Variants in POU2F2 observed in about 807,000 individuals in gnomAD.
POU2F2 encodes the protein POU domain, class 2, transcription factor 2.
POU2F2 carries 14 observed loss-of-function variants against 63.5 expected under a neutral mutation model. The ratio of observed to expected loss-of-function variants is 0.22; its 90% CI spans 0.15 to 0.34. The LOEUF (loss-of-function observed/expected upper bound fraction) is 0.34, where lower values mean the gene tolerates loss of function less well. POU2F2 is among the 10% of genes least tolerant of loss of function. The pLI is 1.00. For missense variants in POU2F2, 607 were observed against 815.2 expected (o/e 0.74, Z 3.11); for synonymous variants, 306 against 348.6 (o/e 0.88, Z 1.36).
chr19:42,160,929 G>C (rs1170780965), intron 1 of POU2F2, among the ~76,000 whole-genome samples: 1 of 152,196 alleles, frequency 6.6e-6, no homozygotes, highest in East Asian at 1.9e-4. Flanking sequence ...TGATATTTCT[G>C]ACTTGTACAT....
chr19:42,196,172 C>A (rs1195172151), intron 1 of POU2F2, among the ~76,000 whole-genome samples: 1 of 152,154 alleles, frequency 6.6e-6, no homozygotes, highest in African/African-American at 2.4e-5. Context: ...GTGTCCACAT[C>A]ATCACAGGTG....
intron 1 of POU2F2, among the ~76,000 whole-genome samples, chr19:42,192,910 G>A (rs1453655792): frequency 6.6e-6 from 1 of 152,134 alleles, no homozygotes; most frequent in East Asian, 1.9e-4. Context: ...TAGTTGGAGA[G>A]TGTAGTGTGC....
intron 2 of POU2F2, among the ~76,000 whole-genome samples, chr19:42,158,492 T>C (rs1354005853): frequency 6.6e-6 from 1 of 152,230 alleles, no homozygotes; most frequent in Non-Finnish European, 1.5e-5. Flanking sequence ...TTAGGCAAGT[T>C]GCCTTCACGC....
chr19:42,119,225 T>C (rs2032296445), intron 4 of POU2F2, among the ~76,000 whole-genome samples: 1 of 152,124 alleles, frequency 6.6e-6, no homozygotes. Context: ...CAGCTATCCC[T>C]GGCAGGGGCA....
chr19:42,160,500 G>A (rs1267243323), intron 1 of POU2F2: 1 of 152,196 alleles, frequency 6.6e-6, no homozygotes, highest in African/African-American at 2.4e-5. Context: ...ATCATCAGGA[G>A]CTGCAGTTGG....
chr19:42,099,273 C>T, intron 7 of POU2F2: 2 of 465,742 alleles, frequency 4.3e-6, no homozygotes, highest in Non-Finnish European at 7.8e-6. Context: ...AATCTTTCAT[C>T]ATATTCTCAA....
intron 1 of POU2F2, among the ~76,000 whole-genome samples, chr19:42,160,956 G>A (rs552638004): frequency 1.3e-5 from 2 of 152,300 alleles, no homozygotes; most frequent in South Asian, 4.1e-4. Context: ...ATTCATTTGT[G>A]CATTTAGTTC....
chr19:42,151,417 GGACA>G (rs555577175), intron 2 of POU2F2, among the ~76,000 whole-genome samples: 48 of 152,204 alleles, frequency 3.2e-4, no homozygotes, highest in Non-Finnish European at 4.3e-4. Flanking sequence ...AGGAGGATCT[GGACA>G]GACAAAGAAC....
rs560007754 is a variant in POU2F2 at position 42,156,086 on chromosome 19, C to T, written c.-9+4246G>A. The stretch of plus-strand genomic sequence containing the variant: ...TGCCTACCAGCCCTCACCAGTGCTT[C>T]GAAGAGCCCTGAGGAACGTCTCTCT... On this transcript the variant is annotated intron_variant, in intron 2 of 6. Coordinates refer to the POU2F2 transcript ENST00000524801. This position sits in a 1 kb window ranked among gnomAD's most constrained non-coding sequence, Gnocchi z 4.1. The T allele has an allele frequency of 6.6e-6, 1 of 152,180 alleles. No individual in the cohort carries two copies. Among genetic ancestry groups the T allele is most frequent in the African/African-American group, 2.4e-5 (1 of 41,404 alleles). 9.4% of individuals were successfully genotyped at this position (152,180 alleles called of 1,614,324 possible).
At chr19:42,130,982 T>A (rs2033667380) in intron 1 of POU2F2, among the ~76,000 whole-genome samples, 2 of 71,916 alleles carry the variant, frequency 2.8e-5, no homozygotes, top group African/African-American at 5.8e-5. Flanking sequence ...CCCCTCTGCC[T>A]GAGCCTCCCC....
rs557566949 is a variant in POU2F2, at chr19:42,170,830, C to T, written c.-70+5133G>A. 2.6e-5 allele frequency among the ~76,000 whole-genome samples: 4 copies of T among 152,388 alleles called. No homozygotes were observed. The South Asian group carries it at 6.2e-4, about 24-fold the overall frequency. ...GGATCTGGCCCTTTCCCCGCTGAGG[C>T]GAGAATGGCTGCCTGGTCTCTGGTC... On this transcript the variant is annotated intron_variant, in intron 1 of 6. Coordinates refer to the POU2F2 transcript ENST00000524801.
At position 42,092,401 on chromosome 19, in the gene POU2F2, C is replaced by T; in HGVS notation, c.1265-131G>A. 2 of 710,434 alleles carry T rather than the reference C, an allele frequency of 2.8e-6. No individual in the cohort carries two copies. The highest frequency in any genetic ancestry group is 5.0e-6 in the Non-Finnish European group (2 of 402,990). 44.0% of individuals were successfully genotyped at this position (710,434 alleles called of 1,614,324 possible). A position where few individuals can be genotyped will look rare whatever the true frequency, so the allele number is the denominator to read the frequency against. On this transcript the variant is annotated intron_variant, in intron 12 of 14. Transcript: ENST00000692977. This position sits in a 1 kb window ranked among gnomAD's most constrained non-coding sequence, Gnocchi z 5.0. Reference sequence around the variant, plus strand: ...CTCCTCAGTCAGAACAGCCTTAGACCTCCCTGCCCTCTCTTCCCAGAGTCA... The same window carrying T: ...CTCCTCAGTCAGAACAGCCTTAGACTTCCCTGCCCTCTCTTCCCAGAGTCA...
intron 5 of POU2F2, among the ~76,000 whole-genome samples, chr19:42,114,586 G>A: frequency 6.6e-6 from 1 of 152,190 alleles, no homozygotes; most frequent in South Asian, 2.1e-4. Flanking sequence ...CTGGTGGCCG[G>A]GGTGGGAGGG....
intron 1 of POU2F2, among the ~76,000 whole-genome samples, chr19:42,184,080 C>G (rs536760256): frequency 1.1e-4 from 17 of 150,104 alleles, no homozygotes; most frequent in African/African-American, 4.2e-4. Context: ...AATCACAACT[C>G]ACTGCCACCT....
intron 1 of POU2F2, among the ~76,000 whole-genome samples, chr19:42,188,856 G>GAGAA (rs766776370): frequency 5.6e-4 from 75 of 135,134 alleles, no homozygotes; most frequent in African/African-American, 1.6e-3. Flanking sequence ...GGGAAAGAGA[G>GAGAA]AGAAAGAAAG....
In POU2F2 at chr19:42,092,981, G is replaced by T. The variant is rs2076778634; in HGVS notation, c.1265-711C>A. On this transcript the variant is annotated intron_variant, in intron 12 of 14. Coordinates refer to ENST00000692977, the MANE Select transcript of POU2F2 (RefSeq NM_001394376.1). This position sits in a 1 kb window ranked among gnomAD's most constrained non-coding sequence, Gnocchi z 5.0. ...TATATTATGCATATATATATTATGT[G>T]TGTGTGTATATATATATATATATAT... Among the ~76,000 whole-genome samples, 1 of 105,524 alleles carries T rather than the reference G, an allele frequency of 9.5e-6. No individual in the cohort carries two copies. Among genetic ancestry groups the T allele is most frequent in the Admixed American group, 1.0e-4 (1 of 10,020 alleles). 69.2% of individuals were successfully genotyped at this position (105,524 alleles called of 152,430 possible).
At chr19:42,143,052 C>T (rs2146758602) in intron 2 of POU2F2, among the ~76,000 whole-genome samples, 1 of 152,268 alleles carries the variant, frequency 6.6e-6, no homozygotes. Context: ...GGTGAATGCA[C>T]AGATGTTCAC....
intron 11 of POU2F2, 91 bp from the exon 12 acceptor site, chr19:42,093,986 A>T: frequency 8.9e-7 from 1 of 1,118,176 alleles, no homozygotes; most frequent in South Asian, 1.4e-5. Flanking sequence ...CCGTCCCAGG[A>T]TGGGGGCAGG....
At chr19:42,149,787 G>C (rs549858832) in intron 2 of POU2F2, among the ~76,000 whole-genome samples, 14 of 152,232 alleles carry the variant, frequency 9.2e-5, no homozygotes, top group Admixed American at 5.9e-4. Context: ...CCTCTCCCCT[G>C]CCCCTCACAC....
Sources: allele counts gnomAD v4.1 joint callset (sites outside exome capture counted in the v4.1 genomes callset), GRCh38; gene constraint gnomAD v4.1.1; non-coding constraint Gnocchi (gnomAD v3.1); transcripts MANE v1.5; gene names NCBI Gene and HGNC (gene_info 2026-07-23, HGNC 2026-07-21).